Variants in NPAS3 observed in about 807,000 individuals in gnomAD.
The protein encoded by NPAS3 is neuronal PAS domain protein 3, also known as neuronal PAS domain-containing protein 3.
Under a neutral mutation model 73.1 loss-of-function variants are expected in NPAS3, and 14 were observed. The ratio of observed to expected loss-of-function variants is 0.19; its 90% CI spans 0.13 to 0.30. The LOEUF is 0.30. Ranked by LOEUF, NPAS3 falls within the 10% of genes least tolerant of loss-of-function variation. The probability of loss-of-function intolerance (pLI) is 1.00; values close to 1 mark genes in which losing one functional copy is unlikely to be tolerated. For missense variants in NPAS3, 1,096 were observed against 1,250.0 expected, an observed-to-expected ratio of 0.88 and a Z score of 1.86; for synonymous variants, 620 against 541.5, an observed-to-expected ratio of 1.14 and a Z score of -2.01.
At chr14:33,471,125 G>A (rs981301395) in intron 4 of NPAS3, among the ~76,000 whole-genome samples, 2 of 152,120 alleles carry the variant, frequency 1.3e-5, no homozygotes, top group Non-Finnish European at 2.9e-5. Context: ...CAAAACTGAT[G>A]CTTGTACAGT....
chr14:33,123,454 A>C (rs1181582340), intron 2 of NPAS3, among the ~76,000 whole-genome samples: 3 of 152,080 alleles, frequency 2.0e-5, no homozygotes, highest in Non-Finnish European at 4.4e-5. Context: ...TCAGTGTTTT[A>C]TATGCCACCT....
chr14:33,770,439 A>C (rs542072596), intron 7 of NPAS3, among the ~76,000 whole-genome samples: 14 of 152,276 alleles, frequency 9.2e-5, no homozygotes, highest in Admixed American at 5.2e-4. Flanking sequence ...TCTCCCTCTT[A>C]TGGCAATATT....
intron 3 of NPAS3, among the ~76,000 whole-genome samples, chr14:33,299,309 A>C (rs1163866323): frequency 6.6e-6 from 1 of 152,118 alleles, no homozygotes; most frequent in African/African-American, 2.4e-5. Flanking sequence ...AGTTTTTCCA[A>C]GTGGAGTTCT....
intron 4 of NPAS3, among the ~76,000 whole-genome samples, chr14:33,524,443 A>G (rs1008103466): frequency 6.6e-6 from 1 of 152,184 alleles, no homozygotes; most frequent in Non-Finnish European, 1.5e-5. Context: ...AGATACCATT[A>G]TCTTAATTTT....
chr14:33,803,710 GAAAAAAA>G (rs11306021), downstream of NPAS3: 1 of 141,708 alleles, frequency 7.1e-6, no homozygotes, highest in Non-Finnish European at 1.5e-5. Flanking sequence ...ATTACAAAAT[GAAAAAAA>G]AAAAAAAAAC....
intron 3 of NPAS3, among the ~76,000 whole-genome samples, chr14:33,308,598 C>CTATA (rs1487956565): frequency 1.4e-5 from 2 of 141,228 alleles, no homozygotes; most frequent in African/African-American, 5.4e-5. Context: ...TATGATCTAT[C>CTATA]TACACACTTG....
chr14:33,567,438 A>G (rs1344087115), intron 5 of NPAS3, among the ~76,000 whole-genome samples: 1 of 152,222 alleles, frequency 6.6e-6, no homozygotes, highest in Non-Finnish European at 1.5e-5. Flanking sequence ...ACTAGAGCTG[A>G]AAATTGATGC....
intron 3 of NPAS3, among the ~76,000 whole-genome samples, chr14:33,352,019 C>T (rs1019683329): frequency 1.7e-4 from 25 of 151,482 alleles, no homozygotes; most frequent in African/African-American, 5.6e-4. Flanking sequence ...ACGTTCTGCA[C>T]ATGTACCCCA....
chr14:32,959,658 G>A (rs184772580), intron 1 of NPAS3, among the ~76,000 whole-genome samples: 2 of 152,290 alleles, frequency 1.3e-5, no homozygotes, highest in Non-Finnish European at 2.9e-5. Context: ...GCACTTTCAC[G>A]TAGCTGCATG....
chr14:33,488,405 C>T (rs1638869632), intron 4 of NPAS3, among the ~76,000 whole-genome samples: 1 of 152,024 alleles, frequency 6.6e-6, no homozygotes, highest in African/African-American at 2.4e-5. Flanking sequence ...TTTACGCAGC[C>T]CCGTGCACAG....
intron 1 of NPAS3, among the ~76,000 whole-genome samples, chr14:32,980,908 T>C (rs975929770): frequency 6.6e-6 from 1 of 152,108 alleles, no homozygotes; most frequent in African/African-American, 2.4e-5. Flanking sequence ...AGTATTTCAG[T>C]TTAATTTTTT....
intron 4 of NPAS3, among the ~76,000 whole-genome samples, chr14:33,537,497 G>A (rs2054308649): frequency 6.6e-6 from 1 of 152,154 alleles, no homozygotes; most frequent in African/African-American, 2.4e-5. Context: ...ATAGATTAAT[G>A]GACGTTAATC....
chr14:33,335,029 ATTGTGTGTGTGTGCGTGTGTGT>A (rs917212985), intron 3 of NPAS3, among the ~76,000 whole-genome samples: 6 of 73,734 alleles, frequency 8.1e-5, no homozygotes, highest in African/African-American at 4.1e-4. Context: ...GTGGTATTCC[ATTGTGTGTGTGTGCGTGTGTGT>A]GTGTGTGTGT....
chr14:33,577,141 A>G (rs778044751), intron 5 of NPAS3, among the ~76,000 whole-genome samples: 3 of 152,216 alleles, frequency 2.0e-5, no homozygotes, highest in African/African-American at 4.8e-5. Context: ...CCAAAGGACC[A>G]TGGCAGAAAT....
chr14:33,671,681 A>G lies in NPAS3; in HGVS notation c.559-4530A>G, dbSNP rs187764377. On this transcript the variant is annotated intron_variant, in intron 5 of 11. Transcript: ENST00000356141. ...TTCTCAGCTGTTTTGTAATACACTA[A>G]GCAACGTGAGAGAGTAAGTAAGTTC... 5.9e-5 allele frequency among the ~76,000 whole-genome samples: 9 copies of G among 152,334 alleles called. No homozygotes were observed. In the East Asian group the frequency reaches 1.5e-3, roughly 26 times the overall value.
intron 4 of NPAS3, among the ~76,000 whole-genome samples, chr14:33,435,687 T>G (rs190660895): frequency 1.2e-4 from 19 of 152,348 alleles, no homozygotes; most frequent in African/African-American, 4.3e-4. Flanking sequence ...AAATTAGATT[T>G]CTTTACCCAA....
intron 5 of NPAS3, among the ~76,000 whole-genome samples, chr14:33,672,928 C>A: frequency 6.6e-6 from 1 of 152,134 alleles, no homozygotes; most frequent in East Asian, 1.9e-4. Flanking sequence ...GAAGTCAAAG[C>A]AGTATGAGAA....
At chr14:33,734,004 C>G (rs183183856) in intron 6 of NPAS3, among the ~76,000 whole-genome samples, 1 of 152,198 alleles carries the variant, frequency 6.6e-6, no homozygotes, top group Admixed American at 6.5e-5. Flanking sequence ...GATTACTCAC[C>G]CTTAGAAATA....
chr14:32,975,896 T>TGTGTGAGA lies in NPAS3; in HGVS notation c.50+36531_50+36532insTGTGAGAG, dbSNP rs374916231. Among the ~76,000 whole-genome samples the TGTGTGAGA allele has an allele frequency of 5.7e-3, 812 of 142,278 alleles. 3 individuals are homozygous for TGTGTGAGA. The highest frequency in any genetic ancestry group is 0.011 in the Middle Eastern group (3 of 280). 93.3% of individuals were successfully genotyped at this position (142,278 alleles called of 152,430 possible). A position where few individuals can be genotyped will look rare whatever the true frequency, so the allele number is the denominator to read the frequency against. ...GTGTGTGTGTGTGTGTGTGTGTGTG[T>TGTGTGAGA]GAGAGAGAGAGAGTTTGCAGACACG... On this transcript the variant is annotated intron_variant, in intron 1 of 11. Coordinates refer to ENST00000356141, the Ensembl canonical transcript of NPAS3.
Sources: allele counts gnomAD v4.1 joint callset (sites outside exome capture counted in the v4.1 genomes callset), GRCh38; gene constraint gnomAD v4.1.1; transcripts MANE v1.5; gene names NCBI Gene and HGNC (gene_info 2026-07-23, HGNC 2026-07-21).